The following ZFYVE9 variants were observed in gnomAD, a reference collection of about 807,000 sequenced individuals.
ZFYVE9 encodes zinc finger FYVE-type containing 9, also known as zinc finger FYVE domain-containing protein 9.
A neutral mutation model predicts 126.7 loss-of-function variants in ZFYVE9; 43 were observed. That is an observed-to-expected ratio of 0.34 (90% CI 0.27 to 0.44). The LOEUF (loss-of-function observed/expected upper bound fraction) is 0.44. ZFYVE9 is among the 20% of genes least tolerant of loss of function. ZFYVE9 has a pLI of 1.00. For synonymous variants in ZFYVE9, 521 were observed against 597.4 expected (o/e 0.87, Z 1.87); for missense variants, 1,476 against 1,697.0 (o/e 0.87, Z 2.29).
At chr1:52,310,151 T>C (rs1646124740) in intron 13 of ZFYVE9, among the ~76,000 whole-genome samples, 1 of 152,060 alleles carries the variant, frequency 6.6e-6, no homozygotes. Flanking sequence ...TTTCTGTTAA[T>C]AGGGATGAGA....
intron 4 of ZFYVE9, among the ~76,000 whole-genome samples, chr1:52,263,400 C>A (rs1645600040): frequency 6.6e-6 from 1 of 152,164 alleles, no homozygotes; most frequent in Non-Finnish European, 1.5e-5. Flanking sequence ...TTTCATCCTG[C>A]TATAATTCCT....
chr1:52,346,018 C>T, intron 18 of ZFYVE9, 42 bp from the exon 19 acceptor site: 2 of 1,525,544 alleles, frequency 1.3e-6, no homozygotes, highest in Non-Finnish European at 1.8e-6. Context: ...GAGAGGCCTT[C>T]TCTGTTCAGT....
chr1:52,171,122 G>C (rs1239917771), intron 1 of ZFYVE9, among the ~76,000 whole-genome samples: 1 of 151,808 alleles, frequency 6.6e-6, no homozygotes, highest in African/African-American at 2.4e-5. Flanking sequence ...TTTAGCATTA[G>C]GTATATCTCC....
intron 1 of ZFYVE9, among the ~76,000 whole-genome samples, chr1:52,159,445 T>C (rs1644435634): frequency 6.6e-6 from 1 of 152,278 alleles, no homozygotes; most frequent in African/African-American, 2.4e-5. Flanking sequence ...GGAGGCACAA[T>C]TGTCAGGGAG....
At position 52,268,054 on chromosome 1, in the gene ZFYVE9, A is replaced by G. The variant is rs116871375; in HGVS notation, c.2456-409A>G. 9.9e-4 allele frequency among the ~76,000 whole-genome samples: 151 copies of G among 152,246 alleles called. 6 individuals are homozygous for G. In the East Asian group the frequency reaches 0.025, roughly 25 times the overall value. ...ACCATATCACTTTACCAGATGTTTA[A>G]TTTCTTTGGAAACCTCATAACTTTA... On this transcript the variant is annotated intron_variant, in intron 6 of 18. Coordinates refer to ENST00000287727, the MANE Select transcript of ZFYVE9 (RefSeq NM_004799.4).
intron 13 of ZFYVE9, among the ~76,000 whole-genome samples, chr1:52,324,023 C>A (rs1199481560): frequency 1.3e-5 from 2 of 150,460 alleles, no homozygotes; most frequent in Admixed American, 1.3e-4. Flanking sequence ...TGTGCCATTG[C>A]ACTCCAGCCT....
chr1:52,255,943 CTTTTCTTTTCTTTTCTTTTCT>C lies in ZFYVE9; in HGVS notation c.2179-7826_2179-7806del, dbSNP rs1311922239. Among the ~76,000 whole-genome samples, 644 of 122,060 alleles carry C rather than the reference CTTTTCTTTTCTTTTCTTTTCT, an allele frequency of 5.3e-3. 6 individuals carry two copies. The highest frequency in any genetic ancestry group is 0.025 in the East Asian group (117 of 4,722). The allele number at this position is 122,060 out of a possible 152,430, so 80.1% of individuals were successfully genotyped here. On this transcript the variant is annotated intron_variant, in intron 4 of 18. Coordinates refer to ENST00000287727, the MANE Select transcript of ZFYVE9 (RefSeq NM_004799.4). ...CTTTTCTTTTCTTTTCTTTTCTTTT[CTTTTCTTTTCTTTTCTTTTCT>C]TTTCTTTCTTTCTTTCTTTCCTTCC...
In ZFYVE9 at chr1:52,239,210, A is replaced by G. The variant is rs1440744969; in HGVS notation, c.1793A>G (p.His598Arg). 5.6e-6 allele frequency: 9 copies of G among 1,614,142 alleles called. No homozygotes were observed. Among genetic ancestry groups the G allele is most frequent in the South Asian group, 1.1e-5 (1 of 91,080 alleles). Residue 598 changes from histidine (H) to arginine (R), a missense_variant, in exon 4 of 19, where the codon CAT becomes CGT. Transcript: ENST00000287727. ...CAAATTCCAAAGCCATTATCAGACC[A>G]TTTACAAAATGACTTTCCTGCAAAC... ...KLQIPKPLSD[H>R]LQNDFPANSG...
intron 1 of ZFYVE9, among the ~76,000 whole-genome samples, chr1:52,143,480 T>C (rs1405120419): frequency 6.6e-6 from 1 of 152,108 alleles, no homozygotes; most frequent in Non-Finnish European, 1.5e-5. Flanking sequence ...CATGAAAAAA[T>C]ATGCTTATTG....
intron 2 of ZFYVE9, 62 bp from the exon 3 acceptor site, chr1:52,233,109 A>G (rs1296863013): frequency 1.4e-6 from 1 of 720,500 alleles, no homozygotes; most frequent in Non-Finnish European, 2.0e-6. Flanking sequence ...CCTTGTGTAT[A>G]TACTTAAGAT....
chr1:52,171,517 T>A (rs1180085205), intron 1 of ZFYVE9, among the ~76,000 whole-genome samples: 1 of 152,216 alleles, frequency 6.6e-6, no homozygotes, highest in African/African-American at 2.4e-5. Context: ...ATATACCCAG[T>A]AATGGGATTG....
At position 52,332,883 on chromosome 1, in the gene ZFYVE9, C is replaced by A; in HGVS notation, c.3554C>A (p.Thr1185Asn). The part of the protein sequence containing the change: ...CVQNDDGNYQ[T>N]QAISIHNQPR... ...CAGAATGATGATGGAAACTATCAGACCCAGGCTATCAGTATTCACAATCAG... is the reference window on the plus strand; with the variant it reads ...CAGAATGATGATGGAAACTATCAGAACCAGGCTATCAGTATTCACAATCAG... Residue 1185 changes from threonine to asparagine, a missense_variant, in exon 14 of 19, where the codon ACC (threonine) becomes AAC (asparagine). By Grantham distance (65) the Thr-to-Asn change is moderately conservative. Coordinates refer to ENST00000287727, the MANE Select transcript of ZFYVE9 (RefSeq NM_004799.4). 7 of 1,614,108 alleles carry A rather than the reference C, an allele frequency of 4.3e-6. No homozygotes were observed. The highest frequency in any genetic ancestry group is 5.1e-6 in the Non-Finnish European group (6 of 1,180,022).
At chr1:52,322,223 C>T (rs990007395) in intron 13 of ZFYVE9, among the ~76,000 whole-genome samples, 27 of 152,118 alleles carry the variant, frequency 1.8e-4, no homozygotes, top group Non-Finnish European at 3.4e-4. Context: ...AATTCTGCTG[C>T]CTCTACTTTC....
intron 1 of ZFYVE9, among the ~76,000 whole-genome samples, chr1:52,176,346 T>G (rs1477631537): frequency 2.0e-5 from 3 of 152,190 alleles, no homozygotes; most frequent in Admixed American, 1.3e-4. Flanking sequence ...TGCCTGATCG[T>G]TCCTCTGGAA....
chr1:52,261,630 C>T (rs1404992184), intron 4 of ZFYVE9, among the ~76,000 whole-genome samples: 1 of 152,088 alleles, frequency 6.6e-6, no homozygotes, highest in Non-Finnish European at 1.5e-5. Context: ...AGAAATTTAA[C>T]ATTATTAGAT....
chr1:52,344,735 C>T, intron 17 of ZFYVE9, 33 bp from the exon 18 acceptor site: 1 of 1,607,964 alleles, frequency 6.2e-7, no homozygotes, highest in Non-Finnish European at 8.5e-7. Flanking sequence ...AATCTAGGCA[C>T]AAGTTTAAAA....
At chr1:52,265,406 AAG>A (rs1352276877) in intron 5 of ZFYVE9, among the ~76,000 whole-genome samples, 1 of 152,144 alleles carries the variant, frequency 6.6e-6, no homozygotes, top group Non-Finnish European at 1.5e-5. Flanking sequence ...TTGATGTTGA[AAG>A]AGATTTTTGA....
At chr1:52,313,797 A>G (rs1179431856) in intron 13 of ZFYVE9, among the ~76,000 whole-genome samples, 1 of 152,214 alleles carries the variant, frequency 6.6e-6, no homozygotes, top group Non-Finnish European at 1.5e-5. Flanking sequence ...GACCCAAATC[A>G]AGCTTTAAGA....
In ZFYVE9 at chr1:52,239,562, C is replaced by T. The variant is rs1296404550; in HGVS notation, c.2145C>T (p.Thr715=). The change falls in exon 4 of 19, where the codon ACC becomes ACT. Residue 715 remains threonine, a synonymous_variant. Transcript: ENST00000287727. The part of the protein sequence containing the change: ...CMKCEARFTF[T]KRRHHCRACG... ...AATGTGAAGCCAGGTTTACATTCAC[C>T]AAAAGGAGGCATCACTGCAGAGCAT... 2 of 1,613,818 alleles carry T rather than the reference C, an allele frequency of 1.2e-6. No homozygotes were observed. Among genetic ancestry groups the T allele is most frequent in the South Asian group, 1.1e-5 (1 of 91,050 alleles).
Sources: gnomAD v4.1 joint callset for allele counts (sites outside exome capture counted in the v4.1 genomes callset) on GRCh38, gnomAD v4.1.1 for gene constraint, MANE v1.5 for transcripts, NCBI Gene and HGNC (gene_info 2026-07-23, HGNC 2026-07-21) for gene names.